The following HDGFL3 variants were observed in gnomAD, a reference collection of about 807,000 sequenced individuals.
The protein encoded by HDGFL3 is hepatoma-derived growth factor-related protein 3.
In HDGFL3, 6 loss-of-function variants were observed where a neutral mutation model predicts 27.6. That is an observed-to-expected ratio of 0.22 (90% CI 0.12 to 0.43). The LOEUF (loss-of-function observed/expected upper bound fraction) is 0.43. HDGFL3 is among the 20% of genes least tolerant of loss of function. The pLI, the probability that HDGFL3 is intolerant of heterozygous loss-of-function variation, is 1.00. For missense variants in HDGFL3, 207 were observed against 250.1 expected (o/e 0.83, Z 1.16); for synonymous variants, 88 against 88.9 (o/e 0.99, Z 0.05).
intron 1 of HDGFL3, among the ~76,000 whole-genome samples, chr15:83,169,712 A>G (rs1425605693): frequency 3.9e-5 from 6 of 151,984 alleles, no homozygotes; most frequent in Non-Finnish European, 8.8e-5. Flanking sequence ...GAGACACGAG[A>G]ATCACTTGAA....
intron 3 of HDGFL3, among the ~76,000 whole-genome samples, chr15:83,117,383 T>C (rs1212435779): frequency 1.3e-5 from 2 of 151,898 alleles, no homozygotes; most frequent in Non-Finnish European, 2.9e-5. Flanking sequence ...CGGAGTGCAG[T>C]TGGTACCTGA....
At chr15:83,191,602 A>G (rs1380014313) in intron 1 of HDGFL3, among the ~76,000 whole-genome samples, 2 of 152,226 alleles carry the variant, frequency 1.3e-5, no homozygotes, top group Non-Finnish European at 2.9e-5. Flanking sequence ...TAACTAAAGT[A>G]TGTCTTGGAA....
downstream of HDGFL3, among the ~76,000 whole-genome samples, chr15:83,124,158 G>C (rs2035518642): frequency 6.6e-6 from 1 of 152,136 alleles, no homozygotes; most frequent in South Asian, 2.1e-4. Flanking sequence ...AAACATGTGG[G>C]AAAGTGCTTA....
chr15:83,148,488 G>A (rs916667411), intron 5 of HDGFL3, among the ~76,000 whole-genome samples: 7 of 152,116 alleles, frequency 4.6e-5, no homozygotes, highest in African/African-American at 1.4e-4. Flanking sequence ...CAGGTGTGGT[G>A]GTGGGTGCCT....
intron 3 of HDGFL3, among the ~76,000 whole-genome samples, chr15:83,119,200 G>A (rs1189898205): frequency 6.6e-6 from 1 of 152,202 alleles, no homozygotes; most frequent in Non-Finnish European, 1.5e-5. Flanking sequence ...TGGAAAGCAG[G>A]GTCATCCCTG....
intron 1 of HDGFL3, chr15:83,185,177 C>A (rs1047785001): frequency 6.6e-6 from 1 of 152,320 alleles, no homozygotes; most frequent in Non-Finnish European, 1.5e-5. Flanking sequence ...GCGCCCACCA[C>A]CACGCCCAGC....
At chr15:83,175,310 C>T (rs1236834653) in intron 1 of HDGFL3, among the ~76,000 whole-genome samples, 1 of 152,158 alleles carries the variant, frequency 6.6e-6, no homozygotes, top group African/African-American at 2.4e-5. Flanking sequence ...TTGACATGCA[C>T]TCACTTTATA....
chr15:83,133,137 T>A lies in HDGFL3; in HGVS notation c.*6133A>T, dbSNP rs1318202674. On this transcript the variant is annotated 3_prime_UTR_variant, in exon 6 of 6. Coordinates refer to ENST00000299633, the MANE Select transcript of HDGFL3 (RefSeq NM_016073.4). ...CCGAGGCCATACGGCTGGTTTGTGGTGGAGCTGTGATTTGACTCTGGATGT... is the reference window on the plus strand; with the variant it reads ...CCGAGGCCATACGGCTGGTTTGTGGAGGAGCTGTGATTTGACTCTGGATGT... 1.3e-5 allele frequency: 2 copies of A among 152,252 alleles called. No individual in the cohort carries two copies. The highest frequency in any genetic ancestry group is 1.5e-5 in the Non-Finnish European group (1 of 68,064). 9.4% of individuals were successfully genotyped at this position (152,252 alleles called of 1,614,324 possible).
chr15:83,204,719 C>A (rs2037695802), intron 1 of HDGFL3, among the ~76,000 whole-genome samples: 1 of 152,146 alleles, frequency 6.6e-6, no homozygotes, highest in Admixed American at 6.5e-5. Flanking sequence ...AGTACCATCA[C>A]TTGGTGCTTT....
chr15:83,141,755 C>T (rs932760339), intron 5 of HDGFL3, among the ~76,000 whole-genome samples: 4 of 152,082 alleles, frequency 2.6e-5, no homozygotes. Context: ...GGCCCCAATA[C>T]TTAAAGACTT....
chr15:83,120,229 A>T (rs2035092694), intron 3 of HDGFL3: 1 of 157,828 alleles, frequency 6.3e-6, no homozygotes, highest in Admixed American at 5.9e-5. Context: ...TGGTACCCCC[A>T]TCATGATATG....
chr15:83,164,397 A>G lies in HDGFL3; in HGVS notation c.85-322T>C, dbSNP rs192951931. Among the ~76,000 whole-genome samples the G allele has an allele frequency of 6.5e-3, 954 of 147,086 alleles. 83 individuals are homozygous for G. The highest frequency in any genetic ancestry group is 0.064 in the Admixed American group (889 of 13,922). ...AAAAAAAAAAAAAAAAAAAAAAAGA[A>G]TACAAAAAGATGTACTTCTTTTGAG... On this transcript the variant is annotated intron_variant, in intron 1 of 5. Transcript: ENST00000299633.
At chr15:83,189,854 C>A (rs1456777329) in intron 1 of HDGFL3, among the ~76,000 whole-genome samples, 4 of 152,110 alleles carry the variant, frequency 2.6e-5, no homozygotes, top group African/African-American at 9.7e-5. Context: ...CAATGTATAG[C>A]TGTAGCTCAT....
chr15:83,115,388 G>C (rs1688141650), exon 4 of HDGFL3: 1 of 314,002 alleles, frequency 3.2e-6, no homozygotes, highest in South Asian at 2.8e-5. Context: ...AAAGTGCTGG[G>C]ATTACAGACT....
exon 4 of HDGFL3, chr15:83,114,479 G>A (rs1224820586): frequency 6.6e-6 from 1 of 152,328 alleles, no homozygotes; most frequent in African/African-American, 2.4e-5. Flanking sequence ...TCTGGAAAAT[G>A]AGTATCAGGA....
At chr15:83,170,036 G>A (rs2037227198) in intron 1 of HDGFL3, among the ~76,000 whole-genome samples, 1 of 152,080 alleles carries the variant, frequency 6.6e-6, no homozygotes, top group Non-Finnish European at 1.5e-5. Context: ...ATCTCTACAA[G>A]GAGAACTACA....
At chr15:83,157,641 A>G in intron 3 of HDGFL3, 68 bp from the exon 4 acceptor site, 4 of 1,396,696 alleles carry the variant, frequency 2.9e-6, no homozygotes, top group Non-Finnish European at 4.0e-6. Flanking sequence ...CACTGAAAAG[A>G]ACTACTCTGT....
chr15:83,146,866 C>G (rs2036902566), intron 5 of HDGFL3, among the ~76,000 whole-genome samples: 1 of 152,142 alleles, frequency 6.6e-6, no homozygotes, highest in Non-Finnish European at 1.5e-5. Flanking sequence ...CTTGAATCTT[C>G]CAACATTTTT....
At chr15:83,153,203 T>TGTTAGCCAGGATGGTCTC (rs757152561) in intron 4 of HDGFL3, among the ~76,000 whole-genome samples, 1 of 151,990 alleles carries the variant, frequency 6.6e-6, no homozygotes, top group Non-Finnish European at 1.5e-5. Context: ...GGTTTCACTG[T>TGTTAGCCAGGATGGTCTC]GTTAGCCAGG....
Sources: gnomAD v4.1 joint callset for allele counts (sites outside exome capture counted in the v4.1 genomes callset) on GRCh38, gnomAD v4.1.1 for gene constraint, MANE v1.5 for transcripts, NCBI Gene and HGNC (gene_info 2026-07-23, HGNC 2026-07-21) for gene names.